Variants in CFDP1 observed in about 807,000 individuals in gnomAD.
CFDP1 encodes the protein heterochromatin-stabilizing protein CFDP1.
In CFDP1, 31 loss-of-function variants were observed where a neutral mutation model predicts 40.1. That is an observed-to-expected ratio of 0.77 (90% CI 0.58 to 1.04). The LOEUF (loss-of-function observed/expected upper bound fraction) is 1.04. Ranked by LOEUF, CFDP1 falls within the 50% of genes least tolerant of loss-of-function variation. The pLI is 0.00. For synonymous variants in CFDP1, 167 were observed against 120.0 expected (o/e 1.39, Z -2.56); for missense variants, 423 against 343.4 (o/e 1.23, Z -1.83).
At chr16:75,428,603 C>A (rs1192404779) in intron 1 of CFDP1, among the ~76,000 whole-genome samples, 1 of 146,378 alleles carries the variant, frequency 6.8e-6, no homozygotes, top group Non-Finnish European at 1.5e-5. Context: ...GGTGACAGAG[C>A]TATACTCCAT....
At chr16:75,315,201 T>C (rs1391609000) in intron 5 of CFDP1, among the ~76,000 whole-genome samples, 2 of 151,734 alleles carry the variant, frequency 1.3e-5, no homozygotes, top group East Asian at 3.9e-4. Context: ...GGTGTGACGG[T>C]GTGTGCCTGT....
At chr16:75,363,349 G>C (rs1275587483) in intron 5 of CFDP1, among the ~76,000 whole-genome samples, 24 of 149,510 alleles carry the variant, frequency 1.6e-4, no homozygotes, top group Admixed American at 1.6e-3. Flanking sequence ...TGCTCATCTA[G>C]TGCACAATCT....
chr16:75,386,626 G>A (rs1398473868), intron 5 of CFDP1, among the ~76,000 whole-genome samples: 4 of 152,286 alleles, frequency 2.6e-5, no homozygotes, highest in East Asian at 1.9e-4. Flanking sequence ...TTGGGAGGCT[G>A]AGGCAGGAGC....
chr16:75,338,030 G>A (rs2078501590), intron 5 of CFDP1, among the ~76,000 whole-genome samples: 1 of 152,074 alleles, frequency 6.6e-6, no homozygotes, highest in South Asian at 2.1e-4. Context: ...TATTCACACG[G>A]CATTCTCTCA....
chr16:75,411,330 G>A (rs1337088561), intron 4 of CFDP1, among the ~76,000 whole-genome samples: 1 of 152,062 alleles, frequency 6.6e-6, no homozygotes, highest in East Asian at 1.9e-4. Flanking sequence ...GCTTGAACTG[G>A]GACCCGGGAG....
At chr16:75,305,470 G>A in intron 5 of CFDP1, 1 of 317,634 alleles carries the variant, frequency 3.1e-6, no homozygotes, top group Non-Finnish European at 5.9e-6. Flanking sequence ...CTGCTTGCAA[G>A]GAGGGGAGGA....
At chr16:75,311,953 G>A (rs978318238) in intron 5 of CFDP1, among the ~76,000 whole-genome samples, 4 of 152,068 alleles carry the variant, frequency 2.6e-5, no homozygotes, top group East Asian at 3.9e-4. Flanking sequence ...CCAGAGCCAC[G>A]GAAGGTCTGA....
chr16:75,353,860 A>T (rs967018840), intron 5 of CFDP1, among the ~76,000 whole-genome samples: 1 of 151,676 alleles, frequency 6.6e-6, no homozygotes, highest in Admixed American at 6.6e-5. Flanking sequence ...TCCTTAACAG[A>T]GTTTTCAAAC....
chr16:75,398,747 A>C (rs2079020341), intron 4 of CFDP1, among the ~76,000 whole-genome samples: 1 of 151,446 alleles, frequency 6.6e-6, no homozygotes, highest in African/African-American at 2.4e-5. Flanking sequence ...CTCTGGCATC[A>C]GACGTGGGAG....
intron 6 of CFDP1, among the ~76,000 whole-genome samples, chr16:75,297,309 T>C (rs1395386389): frequency 6.6e-6 from 1 of 152,094 alleles, no homozygotes; most frequent in Non-Finnish European, 1.5e-5. Flanking sequence ...CGTGAGCCAC[T>C]CTGCCCGGTC....
At chr16:75,316,470 C>T (rs2078323602) in intron 5 of CFDP1, among the ~76,000 whole-genome samples, 1 of 149,332 alleles carries the variant, frequency 6.7e-6, no homozygotes, top group African/African-American at 2.5e-5. Flanking sequence ...TTTGGGAGGC[C>T]AGGGAGGGAG....
intron 5 of CFDP1, among the ~76,000 whole-genome samples, chr16:75,320,527 A>C (rs2078355514): frequency 6.6e-6 from 1 of 152,066 alleles, no homozygotes; most frequent in African/African-American, 2.4e-5. Context: ...TGTATTAGCC[A>C]TTTGCTTTGG....
At chr16:75,381,101 T>A (rs575656932) in intron 5 of CFDP1, 1 of 152,278 alleles carries the variant, frequency 6.6e-6, no homozygotes, top group South Asian at 2.1e-4. Flanking sequence ...AGGAAATGAT[T>A]ACAATAGTCC....
rs1478725346 is a variant in CFDP1, at chr16:75,305,089, C to T, written c.744G>A (p.Trp248Ter). 1 of 1,614,180 alleles carries T rather than the reference C, an allele frequency of 6.2e-7. No individual in the cohort carries two copies. Among genetic ancestry groups the T allele is most frequent in the African/African-American group, 1.3e-5 (1 of 75,044 alleles). ...MSTLEKSKLD[W>*]ESFKEEEGIG... ...TCCCCTCTTCCTCCTTGAAGCTCTC[C>T]CAGTCCAGTTTGGACTTCTCAAGGG... is the stretch of plus-strand genomic sequence containing the variant. The change falls in exon 6 of 7, where the codon TGG (tryptophan) becomes TGA (stop). Residue 248 changes from tryptophan to a stop codon, truncating the protein, a stop_gained. Transcript: ENST00000283882. LOFTEE classifies it high-confidence loss of function.
intron 5 of CFDP1, among the ~76,000 whole-genome samples, chr16:75,338,810 A>T (rs2078507868): frequency 6.6e-6 from 1 of 151,640 alleles, no homozygotes; most frequent in Admixed American, 6.6e-5. Flanking sequence ...GTGGGTACAG[A>T]CTCTTAGGTT....
chr16:75,424,445 C>A (rs149546906), intron 1 of CFDP1, among the ~76,000 whole-genome samples: 46 of 152,328 alleles, frequency 3.0e-4, no homozygotes, highest in African/African-American at 1.1e-3. Context: ...ACACTAGTTT[C>A]TTTTCCCCCT....
intron 5 of CFDP1, among the ~76,000 whole-genome samples, chr16:75,359,370 G>A (rs1003576159): frequency 6.6e-6 from 1 of 152,132 alleles, no homozygotes; most frequent in Non-Finnish European, 1.5e-5. Flanking sequence ...GGAAAAGAAA[G>A]CCAGATTCTT....
chr16:75,372,143 C>T (rs1003871470), intron 5 of CFDP1: 1 of 152,196 alleles, frequency 6.6e-6, no homozygotes, highest in East Asian at 1.9e-4. Context: ...AAAAAGGAGC[C>T]AGCAATAACC....
intron 5 of CFDP1, among the ~76,000 whole-genome samples, chr16:75,373,908 G>A (rs886807977): frequency 3.3e-5 from 5 of 152,094 alleles, no homozygotes; most frequent in Non-Finnish European, 7.4e-5. Flanking sequence ...CTGTTTCTCA[G>A]AAAGAAAATG....
Sources: gnomAD v4.1 joint callset for allele counts (sites outside exome capture counted in the v4.1 genomes callset) on GRCh38, gnomAD v4.1.1 for gene constraint, MANE v1.5 for transcripts, NCBI Gene and HGNC (gene_info 2026-07-23, HGNC 2026-07-21) for gene names.